Variants in MIS18BP1 observed in about 807,000 individuals in gnomAD.
MIS18BP1 encodes MIS18 binding protein 1, also known as mis18-binding protein 1.
MIS18BP1 carries 72 observed loss-of-function variants against 116.1 expected under a neutral mutation model. The observed-to-expected ratio is 0.62, with a 90% CI of 0.51 to 0.75. MIS18BP1 has a LOEUF of 0.75. Ranked by LOEUF, MIS18BP1 falls within the 30% of genes least tolerant of loss-of-function variation. The probability of loss-of-function intolerance (pLI) is 0.00; values close to 1 mark genes in which losing one functional copy is unlikely to be tolerated. For missense variants in MIS18BP1, 1,363 were observed against 1,303.2 expected (o/e 1.05, Z -0.71); for synonymous variants, 386 against 427.0 (o/e 0.90, Z 1.18).
intron 1 of MIS18BP1, among the ~76,000 whole-genome samples, chr14:45,248,345 G>A (rs1247276070): frequency 3.9e-5 from 6 of 152,012 alleles, no homozygotes; most frequent in Admixed American, 1.3e-4. Flanking sequence ...GGGGTTACAG[G>A]TGTGAGCCAC....
At chr14:45,207,904 T>C (rs1890564150) in intron 14 of MIS18BP1, among the ~76,000 whole-genome samples, 1 of 152,176 alleles carries the variant, frequency 6.6e-6, no homozygotes, top group Non-Finnish European at 1.5e-5. Flanking sequence ...AGTGAATCTA[T>C]CGTGTTTCTT....
chr14:45,247,288 T>C lies in MIS18BP1; in HGVS notation c.-2A>G. The C allele has an allele frequency of 6.5e-7, 1 of 1,534,582 alleles. No homozygotes were observed. The highest frequency in any genetic ancestry group is 2.3e-5 in the East Asian group (1 of 43,544). On this transcript the variant is annotated 5_prime_UTR_variant, in exon 2 of 17. Transcript: ENST00000310806. ...ATGTTTCAAAGGTGTTGCAATCATC[T>C]TGACAAGAAAGTAGCAACCAAGTTC...
Position 45,224,410 on chromosome 14 carries a change from A to T in MIS18BP1, c.2177T>A (p.Ile726Lys), listed in dbSNP as rs761330705. The part of the protein sequence containing the change: ...ERDLLTVNRK[I>K]KISNLEKEQM... ...TTCCTTTTCAAGGTTAGATATTTTT[A>T]TTTTCCGGTTGACAGTAAGTAAGTC... Residue 726 changes from isoleucine to lysine, a missense_variant, in exon 11 of 17, where the codon ATA becomes AAA. By Grantham distance (102) the Ile-to-Lys change is moderately radical. Transcript: ENST00000310806. 34 of 1,613,468 alleles carry T rather than the reference A, an allele frequency of 2.1e-5. No individual in the cohort carries two copies. In the South Asian group the frequency reaches 3.6e-4, roughly 17 times the overall value.
intron 2 of MIS18BP1, among the ~76,000 whole-genome samples, chr14:45,245,193 C>T (rs2139244650): frequency 6.6e-6 from 1 of 152,244 alleles, no homozygotes; most frequent in South Asian, 2.1e-4. Flanking sequence ...CAATGACCTT[C>T]ACATTGCTAA....
At chr14:45,231,441 C>T (rs1891276760) in intron 7 of MIS18BP1, 143 bp from the exon 8 acceptor site, 2 of 658,596 alleles carry the variant, frequency 3.0e-6, no homozygotes, top group Admixed American at 3.3e-5. Flanking sequence ...ATTATTAATC[C>T]TTCATGGCTT....
At chr14:45,215,412 C>A (rs1045341062) in intron 13 of MIS18BP1, among the ~76,000 whole-genome samples, 1 of 152,068 alleles carries the variant, frequency 6.6e-6, no homozygotes, top group African/African-American at 2.4e-5. Context: ...CACATTTCTG[C>A]ATTACTTTAA....
intron 11 of MIS18BP1, among the ~76,000 whole-genome samples, chr14:45,220,951 A>G (rs145740088): frequency 1.8e-3 from 278 of 152,188 alleles, no homozygotes; most frequent in African/African-American, 6.5e-3. Flanking sequence ...CCTGGCCAAC[A>G]TGGTGAAACC....
chr14:45,244,152 T>C (rs1891664459), intron 2 of MIS18BP1, among the ~76,000 whole-genome samples: 2 of 152,162 alleles, frequency 1.3e-5, no homozygotes, highest in Admixed American at 6.5e-5. Context: ...ATGGGCTTTC[T>C]AACAGATACC....
intron 14 of MIS18BP1, 83 bp from the exon 15 acceptor site, chr14:45,206,253 C>G: frequency 1.1e-6 from 1 of 893,790 alleles, no homozygotes; most frequent in Non-Finnish European, 1.7e-6. Flanking sequence ...TACTTTTAAC[C>G]ACAGGTTGAA....
chr14:45,227,836 T>G (rs1891168367), intron 8 of MIS18BP1, 22 bp from the exon 9 acceptor site: 2 of 1,605,934 alleles, frequency 1.2e-6, no homozygotes, highest in Non-Finnish European at 1.7e-6. Flanking sequence ...AAGATGGAGA[T>G]TTCAATAAAT....
At chr14:45,224,817 A>T in intron 10 of MIS18BP1, 71 bp from the exon 11 acceptor site, 1 of 1,095,320 alleles carries the variant, frequency 9.1e-7, no homozygotes, top group Non-Finnish European at 1.3e-6. Context: ...AGCACAGAAA[A>T]TATATTTTCA....
intron 10 of MIS18BP1, among the ~76,000 whole-genome samples, chr14:45,225,003 C>T (rs1891087856): frequency 1.3e-5 from 2 of 152,082 alleles, no homozygotes; most frequent in Non-Finnish European, 2.9e-5. Context: ...TATAAATAAG[C>T]TCCTCTGCCT....
At chr14:45,211,788 G>A (rs1024808992) in intron 13 of MIS18BP1, among the ~76,000 whole-genome samples, 1 of 152,220 alleles carries the variant, frequency 6.6e-6, no homozygotes, top group African/African-American at 2.4e-5. Context: ...AGCTGACCCT[G>A]TAGTAAGAAC....
At position 45,246,936 on chromosome 14, in the gene MIS18BP1, T is replaced by C; in HGVS notation, c.351A>G (p.Arg117=). Residue 117 remains arginine, a synonymous_variant, in exon 2 of 17, where the codon AGA becomes AGG. Transcript: ENST00000310806. ...NYESPGKIFL[R]MKEKVLRDKQ... is the part of the protein sequence containing the mutation. ...TGTCACGCAGTACTTTTTCTTTCATTCTTAGAAATATTTTTCCTGGTGATT... is the reference window on the plus strand; with the variant it reads ...TGTCACGCAGTACTTTTTCTTTCATCCTTAGAAATATTTTTCCTGGTGATT... The C allele has an allele frequency of 6.2e-7, 1 of 1,604,398 alleles. No individual in the cohort carries two copies. The highest frequency in any genetic ancestry group is 8.5e-7 in the Non-Finnish European group (1 of 1,177,786).
rs1333774745 is a variant in MIS18BP1 at position 45,223,140 on chromosome 14, C to T, written c.2669+778G>A. ...ACACTGGGGATTTCCTCTACTGTTT[C>T]TGAGTGTCAGAAGTCCCCCTTTCTG... On this transcript the variant is annotated intron_variant, in intron 11 of 16. Coordinates refer to ENST00000310806, the MANE Select transcript of MIS18BP1 (RefSeq NM_018353.5). 2.0e-5 allele frequency among the ~76,000 whole-genome samples: 3 copies of T among 152,348 alleles called. No individual in the cohort carries two copies. In the South Asian group the frequency reaches 6.2e-4, roughly 32 times the overall value.
At chr14:45,245,040 T>C (rs1035767088) in intron 2 of MIS18BP1, among the ~76,000 whole-genome samples, 1 of 152,194 alleles carries the variant, frequency 6.6e-6, no homozygotes, top group African/African-American at 2.4e-5. Context: ...TAAACTACAA[T>C]TGCCATTATT....
chr14:45,217,882 G>A (rs1890866613), intron 12 of MIS18BP1, among the ~76,000 whole-genome samples: 1 of 152,108 alleles, frequency 6.6e-6, no homozygotes, highest in Non-Finnish European at 1.5e-5. Flanking sequence ...GAAATTCTCT[G>A]GCATAATCAA....
Position 45,242,273 on chromosome 14 carries a change from T to C in MIS18BP1, c.904A>G (p.Met302Val). ...CIPIKNGSLL[M>V]VSDSERTTEG... Reference sequence around the variant, plus strand: ...GTTGTCCTCTCACTATCAGAAACCATTAACAGGCTGCCATTTTTAATAGGA... The same window carrying C: ...GTTGTCCTCTCACTATCAGAAACCACTAACAGGCTGCCATTTTTAATAGGA... Residue 302 changes from methionine (M) to valine (V), a missense_variant, in exon 4 of 17, where the codon ATG becomes GTG. Physicochemically the swap from Met to Val is conservative, Grantham distance 21. Transcript: ENST00000310806. 6.2e-7 allele frequency: 1 copy of C among 1,614,094 alleles called. No individual in the cohort carries two copies. The highest frequency in any genetic ancestry group is 8.5e-7 in the Non-Finnish European group (1 of 1,179,988).
intron 1 of MIS18BP1, among the ~76,000 whole-genome samples, chr14:45,250,588 C>T (rs995989712): frequency 2.0e-5 from 3 of 152,174 alleles, no homozygotes; most frequent in African/African-American, 4.8e-5. Context: ...AAGTATGTTT[C>T]CGTTTTCATT....
Sources: gnomAD v4.1 joint callset for allele counts (sites outside exome capture counted in the v4.1 genomes callset) on GRCh38, gnomAD v4.1.1 for gene constraint, MANE v1.5 for transcripts, NCBI Gene and HGNC (gene_info 2026-07-23, HGNC 2026-07-21) for gene names.